Variants in KIF21A observed in about 807,000 individuals in gnomAD.
KIF21A encodes kinesin family member 21A, also known as kinesin-like protein KIF21A.
In KIF21A, 114 loss-of-function variants were observed where a neutral mutation model predicts 202.9. The ratio of observed to expected loss-of-function variants is 0.56; its 90% CI spans 0.48 to 0.66. KIF21A has a LOEUF of 0.66. KIF21A is among the 30% of genes least tolerant of loss of function. The probability of loss-of-function intolerance (pLI) is 0.00; values close to 1 mark genes in which losing one functional copy is unlikely to be tolerated. For synonymous variants in KIF21A, 667 were observed against 670.8 expected (o/e 0.99, Z 0.09); for missense variants, 1,677 against 1,994.9 (o/e 0.84, Z 3.04).
chr12:39,400,954 T>G (rs1450246883), intron 1 of KIF21A, among the ~76,000 whole-genome samples: 1 of 152,180 alleles, frequency 6.6e-6, no homozygotes, highest in Non-Finnish European at 1.5e-5. Flanking sequence ...AGACAAGTGA[T>G]TTTTATATAA....
intron 1 of KIF21A, among the ~76,000 whole-genome samples, chr12:39,376,624 T>C (rs1016925576): frequency 5.3e-5 from 8 of 152,184 alleles, no homozygotes; most frequent in African/African-American, 1.9e-4. Flanking sequence ...GTCTATGCTA[T>C]TATAGTTTAC....
At chr12:39,310,181 AG>A (rs1943892387) in intron 32 of KIF21A, among the ~76,000 whole-genome samples, 1 of 152,058 alleles carries the variant, frequency 6.6e-6, no homozygotes, top group African/African-American at 2.4e-5. Flanking sequence ...TTTCCCCCCA[AG>A]GGTCAATGAT....
intron 1 of KIF21A, among the ~76,000 whole-genome samples, chr12:39,416,132 G>GA (rs559330134): frequency 9.4e-5 from 14 of 149,702 alleles, no homozygotes; most frequent in Non-Finnish European, 1.8e-4. Flanking sequence ...CATTCAGAAA[G>GA]AAAAAAAAAG....
intron 16 of KIF21A, among the ~76,000 whole-genome samples, chr12:39,339,037 G>A (rs1295717737): frequency 6.6e-6 from 1 of 152,102 alleles, no homozygotes; most frequent in African/African-American, 2.4e-5. Flanking sequence ...CCAGCACTTT[G>A]GGAGGTCGAG....
At chr12:39,438,370 C>G (rs1939107931) in intron 1 of KIF21A, among the ~76,000 whole-genome samples, 2 of 152,112 alleles carry the variant, frequency 1.3e-5, no homozygotes, top group Non-Finnish European at 1.5e-5. Flanking sequence ...CTAACAACAA[C>G]TAAAATCATA....
At chr12:39,322,081 A>G (rs1945329118) in intron 27 of KIF21A, 2 of 152,332 alleles carry the variant, frequency 1.3e-5, no homozygotes, top group Admixed American at 1.3e-4. Context: ...ATCATAGGAA[A>G]GAGAATATTT....
chr12:39,395,858 AAG>A (rs1219343546), intron 1 of KIF21A, among the ~76,000 whole-genome samples: 60 of 131,686 alleles, frequency 4.6e-4, no homozygotes, highest in African/African-American at 1.8e-3. Flanking sequence ...AAAAAAAAAA[AAG>A]AAGAAGAAAA....
chr12:39,369,608 A>C lies in KIF21A; in HGVS notation c.450+121T>G, dbSNP rs1949821261. On this transcript the variant is annotated intron_variant, in intron 3 of 37. Coordinates refer to ENST00000361418, the MANE Select transcript of KIF21A (RefSeq NM_001173464.2). ...TCTACTATCTAATGTTAATTTACTC[A>C]AACAACATTTATTGAGTACTATCTT... 6 of 733,834 alleles carry C rather than the reference A, an allele frequency of 8.2e-6. No homozygotes were observed. In the Admixed American group the frequency reaches 1.3e-4, roughly 16 times the overall value. 45.5% of individuals were successfully genotyped at this position (733,834 alleles called of 1,614,324 possible). A position where few individuals can be genotyped will look rare whatever the true frequency, so the allele number is the denominator to read the frequency against.
rs185886919 is a variant in KIF21A at position 39,380,545 on chromosome 12, C to G, written c.45-10284G>C. Among the ~76,000 whole-genome samples the G allele has an allele frequency of 1.8e-3, 268 of 152,274 alleles. 1 individual carries two copies. The highest frequency in any genetic ancestry group is 3.0e-3 in the Non-Finnish European group (201 of 68,022). The stretch of plus-strand genomic sequence containing the variant: ...TATAATAAAAAAGGTTTAATTAACA[C>G]TTCAGTTTCATTTTTAAAACTGAAA... On this transcript the variant is annotated intron_variant, in intron 1 of 37. Transcript: ENST00000361418.
intron 35 of KIF21A, among the ~76,000 whole-genome samples, chr12:39,303,477 T>G (rs1943158948): frequency 6.6e-6 from 1 of 152,188 alleles, no homozygotes; most frequent in South Asian, 2.1e-4. Context: ...ATTATTGTTT[T>G]GTTTTGTTAT....
chr12:39,406,481 C>G (rs1262535286), intron 1 of KIF21A, among the ~76,000 whole-genome samples: 1 of 152,178 alleles, frequency 6.6e-6, no homozygotes, highest in Non-Finnish European at 1.5e-5. Flanking sequence ...ACTTTAATGT[C>G]CAATCAATGC....
Position 39,442,853 on chromosome 12 carries a change from T to G in KIF21A, c.44+74A>C. ...GTCGCTCCACCCCGGTAGCCGGTGC[T>G]CCGCGCCACAGCCAGGTCCTTGCCG... On this transcript the variant is annotated intron_variant, in intron 1 of 37. Coordinates refer to ENST00000361418, the MANE Select transcript of KIF21A (RefSeq NM_001173464.2). The surrounding 1 kb of genome is among the most constrained non-coding windows in gnomAD (Gnocchi z 5.0). 1 of 1,499,996 alleles carries G rather than the reference T, an allele frequency of 6.7e-7. No individual in the cohort carries two copies. The highest frequency in any genetic ancestry group is 8.9e-7 in the Non-Finnish European group (1 of 1,124,284). 92.9% of individuals were successfully genotyped at this position (1,499,996 alleles called of 1,614,324 possible). A position where few individuals can be genotyped will look rare whatever the true frequency, so the allele number is the denominator to read the frequency against.
At chr12:39,432,294 G>T (rs1938034733) in intron 1 of KIF21A, among the ~76,000 whole-genome samples, 2 of 152,064 alleles carry the variant, frequency 1.3e-5, no homozygotes, top group South Asian at 4.2e-4. Context: ...ATCTTTTTCT[G>T]GAAAACATCC....
chr12:39,385,614 A>C (rs1040126916), intron 1 of KIF21A, among the ~76,000 whole-genome samples: 7 of 152,180 alleles, frequency 4.6e-5, no homozygotes, highest in African/African-American at 1.7e-4. Context: ...ATTTATACTA[A>C]TTTTTTAGAT....
intron 1 of KIF21A, among the ~76,000 whole-genome samples, chr12:39,428,885 G>T (rs1319560004): frequency 6.6e-6 from 1 of 151,486 alleles, no homozygotes; most frequent in Non-Finnish European, 1.5e-5. Context: ...TTGAACCGGG[G>T]AGTCAGAGGT....
chr12:39,416,739 A>G (rs7296477), intron 1 of KIF21A, among the ~76,000 whole-genome samples: 21,769 of 77,584 alleles, frequency 0.28, 3,636 homozygotes, highest in Non-Finnish European at 0.32. Context: ...ATATATGTGT[A>G]TATATATATG....
chr12:39,341,470 A>C, intron 14 of KIF21A, 35 bp downstream of exon 14: 1 of 1,603,472 alleles, frequency 6.2e-7, no homozygotes, highest in Non-Finnish European at 8.5e-7. Context: ...AACTTCCCAA[A>C]ATGAATTTTT....
Position 39,294,431 on chromosome 12 carries a change from C to T in KIF21A, c.5018G>A (p.Ser1673Asn), listed in dbSNP as rs771768221. The T allele has an allele frequency of 5.6e-6, 9 of 1,608,904 alleles. No homozygotes were observed. The South Asian group carries it at 9.9e-5, about 18-fold the overall frequency. Residue 1673 changes from serine (S) to asparagine (N), a missense_variant, in exon 38 of 38, where the codon AGT becomes AAT. This residue lies in a region of KIF21A where 705 missense variants were observed against 791.9 expected (regional missense o/e 0.89). Transcript: ENST00000361418. ...ACCTATCTTCATTCATGTTTAATTA[C>T]TGGCAATATCTTCCCCCAGATCTCC... ...DTGDLGEDIA[S>N]N
At chr12:39,403,789 A>G (rs1303916831) in intron 1 of KIF21A, among the ~76,000 whole-genome samples, 1 of 152,228 alleles carries the variant, frequency 6.6e-6, no homozygotes, top group African/African-American at 2.4e-5. Flanking sequence ...GAATACTTTC[A>G]TGTAAGTTTT....
Sources: gnomAD v4.1 joint callset for allele counts (sites outside exome capture counted in the v4.1 genomes callset) on GRCh38, gnomAD v4.1.1 for gene constraint, gnomAD v4.1.1 regional missense constraint, Gnocchi (gnomAD v3.1) non-coding constraint, MANE v1.5 for transcripts, NCBI Gene and HGNC (gene_info 2026-07-23, HGNC 2026-07-21) for gene names.